BCL9: variants seen among roughly 807,000 people sequenced by gnomAD.
BCL9 encodes BCL9 transcription coactivator.
A neutral mutation model predicts 88.5 loss-of-function variants in BCL9; 25 were observed. That is an observed-to-expected ratio of 0.28 (90% CI 0.21 to 0.39). BCL9 has a LOEUF of 0.39. Among genes scored for constraint, BCL9 ranks in the 10% least tolerant of loss-of-function variants. BCL9 has a pLI of 1.00. For synonymous variants in BCL9, 711 were observed against 673.3 expected, an observed-to-expected ratio of 1.06 and a Z score of -0.87; for missense variants, 1,817 against 1,877.8, an observed-to-expected ratio of 0.97 and a Z score of 0.60.
intron 1 of BCL9, among the ~76,000 whole-genome samples, chr1:147,571,743 T>A (rs1461791598): frequency 6.6e-6 from 1 of 152,174 alleles, no homozygotes. Context: ...AAGCTGGACC[T>A]GCTGAGGGTT....
At chr1:147,547,002 G>T (rs80214113) in intron 1 of BCL9, among the ~76,000 whole-genome samples, 1 of 149,218 alleles carries the variant, frequency 6.7e-6, no homozygotes, top group Admixed American at 6.7e-5. Flanking sequence ...TAAAAATCGT[G>T]TTTTTTTTTA....
At chr1:147,574,730 C>T (rs781889844) in intron 1 of BCL9, among the ~76,000 whole-genome samples, 1 of 152,194 alleles carries the variant, frequency 6.6e-6, no homozygotes, top group Non-Finnish European at 1.5e-5. Context: ...TCTGCCACAG[C>T]ACGCGATTTG....
chr1:147,602,073 G>A (rs1657420934), intron 1 of BCL9, among the ~76,000 whole-genome samples: 1 of 151,800 alleles, frequency 6.6e-6, no homozygotes, highest in African/African-American at 2.4e-5. Flanking sequence ...GCTAATTTAT[G>A]TACTTTTAGT....
At position 147,611,846 on chromosome 1, in the gene BCL9, A is replaced by G; in HGVS notation, c.10A>G (p.Ser4Gly). The change falls in exon 4 of 10, where the codon AGT becomes GGT. Residue 4 changes from serine to glycine, a missense_variant. Around this residue, in one of 2 missense-constraint regions of BCL9, gnomAD observed 1,228 missense variants for 1,191.6 expected, o/e 1.03. Coordinates refer to ENST00000234739, the MANE Select transcript of BCL9 (RefSeq NM_004326.4). MHSSNPKVRSSPSG... is the reference protein window; with the variant it reads MHSGNPKVRSSPSG... ...CTCAGGATTTCAATCAATGCATTCC[A>G]GTAACCCTAAAGTGAGGAGCTCTCC... The G allele has an allele frequency of 6.2e-7, 1 of 1,614,212 alleles. No homozygotes were observed. Among genetic ancestry groups the G allele is most frequent in the South Asian group, 1.1e-5 (1 of 91,086 alleles).
At chr1:147,608,873 G>A (rs911610347) in intron 3 of BCL9, among the ~76,000 whole-genome samples, 5 of 152,170 alleles carry the variant, frequency 3.3e-5, no homozygotes, top group African/African-American at 9.7e-5. Context: ...CTTTGGGGCC[G>A]GAGTGGCCAG....
intron 1 of BCL9, among the ~76,000 whole-genome samples, chr1:147,575,552 C>G (rs184508019): frequency 6.6e-6 from 1 of 152,128 alleles, no homozygotes; most frequent in Non-Finnish European, 1.5e-5. Flanking sequence ...TTTTCCATTA[C>G]ATCATGCTTC....
intron 1 of BCL9, among the ~76,000 whole-genome samples, chr1:147,595,908 G>C (rs1181220212): frequency 6.6e-6 from 1 of 152,122 alleles, no homozygotes; most frequent in Non-Finnish European, 1.5e-5. Context: ...CAATCATTTA[G>C]GACTCAGGAA....
At chr1:147,616,772 C>CA (rs59428662) in intron 7 of BCL9, among the ~76,000 whole-genome samples, 110,820 of 147,078 alleles carry the variant, frequency 0.75, 42,290 homozygotes, top group Non-Finnish European at 0.84. Flanking sequence ...GACTCTGTCT[C>CA]AAAAAAAAAA....
intron 1 of BCL9, among the ~76,000 whole-genome samples, chr1:147,601,371 T>A (rs1317823709): frequency 1.3e-5 from 2 of 152,194 alleles, no homozygotes; most frequent in African/African-American, 4.8e-5. Flanking sequence ...GGGAAATGAT[T>A]TTCTATGTAA....
Position 147,557,960 on chromosome 1 carries a change from TG to T in BCL9, c.-478+16287del, listed in dbSNP as rs138241707. ...TTTAATATATGTCACCATATTCCTTTGAATGTAAGTTGCCATTGATTTTTGT... is the reference window on the plus strand; with the variant it reads ...TTTAATATATGTCACCATATTCCTTTAATGTAAGTTGCCATTGATTTTTGT... On this transcript the variant is annotated intron_variant, in intron 1 of 9. Coordinates refer to ENST00000234739, the MANE Select transcript of BCL9 (RefSeq NM_004326.4). Among the ~76,000 whole-genome samples the T allele has an allele frequency of 7.4e-3, 1,131 of 152,284 alleles. 15 individuals carry two copies. Among genetic ancestry groups the T allele is most frequent in the African/African-American group, 0.026 (1,067 of 41,550 alleles).
chr1:147,555,106 A>T (rs776269999), intron 1 of BCL9, among the ~76,000 whole-genome samples: 1 of 152,186 alleles, frequency 6.6e-6, no homozygotes, highest in Non-Finnish European at 1.5e-5. Flanking sequence ...TCTTCACAGC[A>T]GCCCCTTGAG....
chr1:147,611,598 T>G lies in BCL9; in HGVS notation c.-239T>G. ...TGTAGTATGCCCTGGAGATGCGAGA[T>G]TTTCCTCTGGCAGCAGGAGGCACGC... On this transcript the variant is annotated 5_prime_UTR_variant, in exon 4 of 10. Coordinates refer to ENST00000234739, the MANE Select transcript of BCL9 (RefSeq NM_004326.4). 1 of 546,456 alleles carries G rather than the reference T, an allele frequency of 1.8e-6. No individual in the cohort carries two copies. The highest frequency in any genetic ancestry group is 1.9e-5 in the African/African-American group (1 of 53,124). 33.9% of individuals were successfully genotyped at this position (546,456 alleles called of 1,614,324 possible).
chr1:147,614,453 T>G lies in BCL9; in HGVS notation c.397T>G (p.Ser133Ala). ...ATGTAATTCTGCTGACCACATAAAG[T>G]CCCAGGATTCCCAGCACACACCACA... Reference protein sequence around the residue: ...KECNSADHIKSQDSQHTPHSM... With the variant: ...KECNSADHIKAQDSQHTPHSM... Residue 133 changes from serine (S) to alanine (A), a missense_variant, in exon 6 of 10, where the codon TCC becomes GCC. This residue lies in a region of BCL9 where 1,228 missense variants were observed against 1,191.6 expected (regional missense o/e 1.03). Coordinates refer to ENST00000234739, the MANE Select transcript of BCL9 (RefSeq NM_004326.4). 6.2e-7 allele frequency: 1 copy of G among 1,613,906 alleles called. No homozygotes were observed. The highest frequency in any genetic ancestry group is 8.5e-7 in the Non-Finnish European group (1 of 1,179,924).
At chr1:147,545,717 T>G (rs1229747292) in intron 1 of BCL9, among the ~76,000 whole-genome samples, 1 of 152,122 alleles carries the variant, frequency 6.6e-6, no homozygotes, top group Non-Finnish European at 1.5e-5. Context: ...GATTTTGTAG[T>G]TTTTCTACTC....
intron 1 of BCL9, among the ~76,000 whole-genome samples, chr1:147,573,874 C>T (rs587765654): frequency 6.6e-6 from 1 of 151,892 alleles, no homozygotes; most frequent in African/African-American, 2.4e-5. Context: ...GTGTTTTTTT[C>T]CCACTGTCAC....
intron 1 of BCL9, among the ~76,000 whole-genome samples, chr1:147,587,384 C>T (rs898805945): frequency 6.6e-6 from 1 of 152,148 alleles, no homozygotes; most frequent in Admixed American, 6.5e-5. Flanking sequence ...CTCTTGCTTC[C>T]CAGCCGCCCC....
intron 1 of BCL9, among the ~76,000 whole-genome samples, chr1:147,548,427 C>T (rs1213617683): frequency 6.6e-6 from 1 of 152,166 alleles, no homozygotes; most frequent in Non-Finnish European, 1.5e-5. Context: ...AAGCCAGCTC[C>T]AGCTGCTCCT....
intron 1 of BCL9, among the ~76,000 whole-genome samples, chr1:147,567,088 C>T (rs1655639036): frequency 6.6e-6 from 1 of 152,074 alleles, no homozygotes; most frequent in Admixed American, 6.6e-5. Context: ...TATCTGTTTA[C>T]AGTTTTATTT....
At chr1:147,560,994 T>C (rs1291536505) in intron 1 of BCL9, among the ~76,000 whole-genome samples, 1 of 152,178 alleles carries the variant, frequency 6.6e-6, no homozygotes, top group Non-Finnish European at 1.5e-5. Flanking sequence ...TCCAAGCAAA[T>C]GTTACGCCCA....
Sources: allele counts gnomAD v4.1 joint callset (sites outside exome capture counted in the v4.1 genomes callset), GRCh38; gene constraint gnomAD v4.1.1; regional missense constraint gnomAD v4.1.1; transcripts MANE v1.5; gene names NCBI Gene and HGNC (gene_info 2026-07-23, HGNC 2026-07-21).